CUBN: variants seen among roughly 807,000 people sequenced by gnomAD.
The protein encoded by CUBN is 460 kDa receptor.
In CUBN, 282 loss-of-function variants were observed where a neutral mutation model predicts 405.3. The observed-to-expected ratio is 0.70, with a 90% CI of 0.63 to 0.77. CUBN has a LOEUF of 0.77. CUBN is among the 30% of genes least tolerant of loss of function. The probability of loss-of-function intolerance (pLI) is 0.00; values close to 1 mark genes in which losing one functional copy is unlikely to be tolerated. For missense variants in CUBN, 4,514 were observed against 4,475.2 expected (o/e 1.01, Z -0.25); for synonymous variants, 1,684 against 1,617.0 (o/e 1.04, Z -0.99).
In CUBN at chr10:16,907,546, C is replaced by T. The variant is rs780148441; in HGVS notation, c.7667G>A (p.Gly2556Asp). Residue 2556 changes from glycine (G) to aspartate (D), a missense_variant, in exon 49 of 67, where the codon GGC becomes GAC. By Grantham distance (94) the Gly-to-Asp change is moderately conservative. Coordinates refer to ENST00000377833, the MANE Select transcript of CUBN (RefSeq NM_001081.4). Reference sequence around the variant, plus strand: ...GGAGGTATAGGAAGCAGTGAAGCCGCCATATGGCCTGGATCCATCCGTGAA... The same window carrying T: ...GGAGGTATAGGAAGCAGTGAAGCCGTCATATGGCCTGGATCCATCCGTGAA... ...IFFTDGSRPY[G>D]GFTASYTSSE... 22 of 1,614,126 alleles carry T rather than the reference C, an allele frequency of 1.4e-5. No homozygotes were observed. Among genetic ancestry groups the T allele is most frequent in the South Asian group, 1.3e-4 (12 of 91,074 alleles).
chr10:17,076,578 G>A (rs561670327), intron 17 of CUBN, among the ~76,000 whole-genome samples: 2 of 151,832 alleles, frequency 1.3e-5, no homozygotes, highest in Non-Finnish European at 2.9e-5. Context: ...CCTGTAAAAG[G>A]ATTGACTATC....
At chr10:16,856,959 T>C (rs1429459548) in intron 59 of CUBN, among the ~76,000 whole-genome samples, 1 of 151,164 alleles carries the variant, frequency 6.6e-6, no homozygotes, top group Non-Finnish European at 1.5e-5. Flanking sequence ...AGAAATGCAT[T>C]ATCCTTTTTT....
intron 14 of CUBN, among the ~76,000 whole-genome samples, chr10:17,094,537 A>G (rs1468142060): frequency 1.3e-5 from 2 of 152,100 alleles, no homozygotes; most frequent in African/African-American, 4.8e-5. Context: ...GAACTAATAA[A>G]TGAACAAACT....
chr10:17,117,750 GT>G (rs1405361452), intron 6 of CUBN, among the ~76,000 whole-genome samples: 1 of 152,068 alleles, frequency 6.6e-6, no homozygotes, highest in East Asian at 1.9e-4. Context: ...TAAACCAACT[GT>G]TACTAGCTTT....
chr10:17,092,033 G>A (rs1289014023), intron 14 of CUBN, among the ~76,000 whole-genome samples: 2 of 152,066 alleles, frequency 1.3e-5, no homozygotes, highest in African/African-American at 4.8e-5. Context: ...CCTCTCTTGG[G>A]GTCTAGATCA....
intron 38 of CUBN, among the ~76,000 whole-genome samples, chr10:16,938,054 CA>C (rs1842565198): frequency 1.3e-5 from 2 of 152,176 alleles, no homozygotes; most frequent in African/African-American, 4.8e-5. Flanking sequence ...AGATGATTTA[CA>C]GTAAAATTTG....
chr10:16,928,066 G>A, intron 41 of CUBN, 91 bp downstream of exon 41: 1 of 1,446,072 alleles, frequency 6.9e-7, no homozygotes, highest in Non-Finnish European at 9.6e-7. Context: ...GTGTCCTGGT[G>A]CCCAAAAACA....
intron 56 of CUBN, among the ~76,000 whole-genome samples, chr10:16,882,419 T>C (rs934522522): frequency 6.6e-6 from 1 of 152,234 alleles, no homozygotes; most frequent in Admixed American, 6.5e-5. Context: ...TGGGCAAGGC[T>C]CTATACCATG....
At chr10:17,048,934 G>A (rs1835199163) in intron 22 of CUBN, among the ~76,000 whole-genome samples, 1 of 152,084 alleles carries the variant, frequency 6.6e-6, no homozygotes, top group East Asian at 1.9e-4. Context: ...CAAAGGAATG[G>A]GCATTCGCCA....
intron 31 of CUBN, among the ~76,000 whole-genome samples, chr10:16,976,065 C>T (rs1217899697): frequency 6.6e-6 from 1 of 150,670 alleles, no homozygotes; most frequent in Non-Finnish European, 1.5e-5. Flanking sequence ...CTGCCTTCCA[C>T]CCTCAAGTGA....
At chr10:16,924,399 T>C (rs1158187299) in intron 43 of CUBN, among the ~76,000 whole-genome samples, 3 of 149,754 alleles carry the variant, frequency 2.0e-5, no homozygotes, top group African/African-American at 7.4e-5. Flanking sequence ...TTGCTTATTT[T>C]TGTGTGTCAG....
At chr10:16,868,548 G>A (rs1016893337) in intron 59 of CUBN, among the ~76,000 whole-genome samples, 1 of 152,184 alleles carries the variant, frequency 6.6e-6, no homozygotes, top group Admixed American at 6.5e-5. Flanking sequence ...ACTTTCCAGA[G>A]TCGAATATTA....
chr10:16,905,495 G>A (rs1841528177), intron 50 of CUBN, among the ~76,000 whole-genome samples: 1 of 152,084 alleles, frequency 6.6e-6, no homozygotes, highest in South Asian at 2.1e-4. Flanking sequence ...TAAGGCCTCA[G>A]GAGAATTTCA....
intron 59 of CUBN, among the ~76,000 whole-genome samples, chr10:16,867,332 A>T (rs1342405216): frequency 2.6e-5 from 4 of 152,222 alleles, no homozygotes; most frequent in Admixed American, 2.6e-4. Context: ...AGCTATAACT[A>T]AACGACCCTA....
chr10:16,917,324 A>C (rs1474631316), intron 45 of CUBN, among the ~76,000 whole-genome samples: 1 of 152,138 alleles, frequency 6.6e-6, no homozygotes, highest in Non-Finnish European at 1.5e-5. Context: ...TGAGTGCCTA[A>C]AGCCTCAGAT....
chr10:17,115,116 C>T (rs1309753439), intron 7 of CUBN, among the ~76,000 whole-genome samples: 1 of 151,998 alleles, frequency 6.6e-6, no homozygotes, highest in Non-Finnish European at 1.5e-5. Flanking sequence ...TGTTGGCATG[C>T]TCCTGTAATC....
At chr10:17,065,666 T>G (rs1288445198) in intron 21 of CUBN, 28 bp from the exon 22 acceptor site, 2 of 1,612,326 alleles carry the variant, frequency 1.2e-6, no homozygotes, top group Non-Finnish European at 1.7e-6. Context: ...AGGACAGATG[T>G]GTGTATTTTA....
In CUBN at chr10:16,902,259, G is replaced by C. The variant is rs28399716; in HGVS notation, c.8063-800C>G. Among the ~76,000 whole-genome samples the C allele has an allele frequency of 3.1e-5, 4 of 129,232 alleles. No individual in the cohort carries two copies. In the South Asian group the frequency reaches 9.3e-4, roughly 30 times the overall value. 84.8% of individuals were successfully genotyped at this position (129,232 alleles called of 152,430 possible). ...TATACTATATATATTTGTATATATA[G>C]TATATATATATTTGTATATATATAG... On this transcript the variant is annotated intron_variant, in intron 51 of 66. Coordinates refer to ENST00000377833, the MANE Select transcript of CUBN (RefSeq NM_001081.4).
At chr10:17,118,338 A>C (rs1305888932) in intron 6 of CUBN, among the ~76,000 whole-genome samples, 2 of 152,258 alleles carry the variant, frequency 1.3e-5, no homozygotes, top group East Asian at 1.9e-4. Flanking sequence ...ATAGACACTT[A>C]GGTCTACCCG....
Sources: allele counts gnomAD v4.1 joint callset (sites outside exome capture counted in the v4.1 genomes callset), GRCh38; gene constraint gnomAD v4.1.1; transcripts MANE v1.5; gene names NCBI Gene and HGNC (gene_info 2026-07-23, HGNC 2026-07-21).